CAMK1D: variants seen among roughly 807,000 people sequenced by gnomAD.
CAMK1D encodes calcium/calmodulin-dependent protein kinase type 1D.
A neutral mutation model predicts 47.7 loss-of-function variants in CAMK1D; 9 were observed. The ratio of observed to expected loss-of-function variants is 0.19; its 90% confidence interval spans 0.11 to 0.33. The LOEUF is 0.33. Ranked by LOEUF, CAMK1D falls within the 10% of genes least tolerant of loss-of-function variation. CAMK1D has a pLI of 1.00. For synonymous variants in CAMK1D, 184 were observed against 184.9 expected (o/e 0.99, Z 0.04); for missense variants, 291 against 488.7 (o/e 0.60, Z 3.81).
intron 1 of CAMK1D, among the ~76,000 whole-genome samples, chr10:12,526,866 T>A (rs548974139): frequency 7.1e-6 from 1 of 140,274 alleles, no homozygotes; most frequent in Admixed American, 7.5e-5. Flanking sequence ...TGCAGTGAGC[T>A]GTGATCATAT....
At position 12,413,318 on chromosome 10, in the gene CAMK1D, C is replaced by T. The variant is rs1318459010; in HGVS notation, c.92+63408C>T. Among the ~76,000 whole-genome samples the T allele has an allele frequency of 5.9e-5, 9 of 152,160 alleles. No homozygotes were observed. The South Asian group carries it at 1.9e-3, about 32-fold the overall frequency. ...TCACTGTCAGGAAGACAGCACCAAGCTGTGAGGGATCCGCTCCCATGACCC... is the reference window on the plus strand; with the variant it reads ...TCACTGTCAGGAAGACAGCACCAAGTTGTGAGGGATCCGCTCCCATGACCC... On this transcript the variant is annotated intron_variant, in intron 1 of 10. Coordinates refer to ENST00000619168, the MANE Select transcript of CAMK1D (RefSeq NM_153498.4).
chr10:12,467,164 T>C (rs1833616663), intron 1 of CAMK1D, among the ~76,000 whole-genome samples: 1 of 152,096 alleles, frequency 6.6e-6, no homozygotes, highest in African/African-American at 2.4e-5. Flanking sequence ...ATGTTTTCTT[T>C]TTTATTGACA....
intron 1 of CAMK1D, among the ~76,000 whole-genome samples, chr10:12,403,866 C>G (rs1440346830): frequency 6.6e-6 from 1 of 151,874 alleles, no homozygotes; most frequent in Non-Finnish European, 1.5e-5. Context: ...CCTGATGTTA[C>G]CATTGCAGAC....
intron 1 of CAMK1D, among the ~76,000 whole-genome samples, chr10:12,436,981 G>T (rs1041767107): frequency 6.6e-6 from 1 of 152,146 alleles, no homozygotes; most frequent in Admixed American, 6.5e-5. Context: ...CGCAGATCAG[G>T]TGGGCACAAA....
At chr10:12,611,784 G>T (rs1206424848) in intron 2 of CAMK1D, among the ~76,000 whole-genome samples, 2 of 151,768 alleles carry the variant, frequency 1.3e-5, no homozygotes, top group East Asian at 3.9e-4. Flanking sequence ...GTAGAGATAG[G>T]GTTTCACCGT....
At chr10:12,737,483 G>A (rs1287812498) in intron 3 of CAMK1D, among the ~76,000 whole-genome samples, 1 of 152,074 alleles carries the variant, frequency 6.6e-6, no homozygotes, top group Non-Finnish European at 1.5e-5. Flanking sequence ...GTATTCCCCA[G>A]ACCCCTGCCC....
At chr10:12,817,082 T>C (rs755276331) in intron 8 of CAMK1D, among the ~76,000 whole-genome samples, 1 of 151,994 alleles carries the variant, frequency 6.6e-6, no homozygotes, top group Non-Finnish European at 1.5e-5. Flanking sequence ...AATCATCAGA[T>C]CTCATGAGAG....
intron 1 of CAMK1D, among the ~76,000 whole-genome samples, chr10:12,413,523 T>TGGTGATGATGAC (rs1564324248): frequency 7.9e-5 from 12 of 152,094 alleles, no homozygotes; most frequent in South Asian, 6.3e-4. Flanking sequence ...ATGATGGTGA[T>TGGTGATGATGAC]AATGGTGATG....
intron 1 of CAMK1D, among the ~76,000 whole-genome samples, chr10:12,373,322 G>A (rs2724774): frequency 0.35 from 52,138 of 147,860 alleles, 9,674 homozygotes; most frequent in African/African-American, 0.43. Flanking sequence ...CAATAAAAAA[G>A]AAAAAAGATA....
At chr10:12,583,552 A>G (rs1179243328) in intron 2 of CAMK1D, among the ~76,000 whole-genome samples, 1 of 150,414 alleles carries the variant, frequency 6.6e-6, no homozygotes, top group East Asian at 2.0e-4. Context: ...TTCAGGTAGC[A>G]TTTCCCCTTT....
At chr10:12,755,985 G>T (rs1292228082) in intron 3 of CAMK1D, among the ~76,000 whole-genome samples, 1 of 152,104 alleles carries the variant, frequency 6.6e-6, no homozygotes, top group African/African-American at 2.4e-5. Context: ...TGGCCTTGTC[G>T]TAGGGCAGCC....
chr10:12,406,406 A>G (rs1322326101), intron 1 of CAMK1D, among the ~76,000 whole-genome samples: 1 of 152,080 alleles, frequency 6.6e-6, no homozygotes, highest in African/African-American at 2.4e-5. Context: ...TTTTATTGTT[A>G]TTGTTTTTTT....
intron 6 of CAMK1D, among the ~76,000 whole-genome samples, chr10:12,813,800 A>T (rs1832697556): frequency 6.6e-6 from 1 of 151,762 alleles, no homozygotes; most frequent in South Asian, 2.1e-4. Context: ...TCGCTCTGTC[A>T]CCCAGGCTAG....
intron 1 of CAMK1D, among the ~76,000 whole-genome samples, chr10:12,366,923 A>G (rs1180653140): frequency 6.6e-6 from 1 of 152,150 alleles, no homozygotes; most frequent in African/African-American, 2.4e-5. Flanking sequence ...TGGGTGTCAG[A>G]CTTGAAGTTT....
At chr10:12,816,402 C>A in intron 8 of CAMK1D, 74 bp downstream of exon 8, 1 of 1,191,364 alleles carries the variant, frequency 8.4e-7, no homozygotes, top group Non-Finnish European at 1.2e-6. Context: ...TTCCTGTTGG[C>A]CGTTGTCATT....
chr10:12,549,189 C>T (rs1201853828), intron 1 of CAMK1D, among the ~76,000 whole-genome samples: 1 of 152,204 alleles, frequency 6.6e-6, no homozygotes, highest in Non-Finnish European at 1.5e-5. Flanking sequence ...AATGGAAACT[C>T]CGTCCCCATT....
chr10:12,753,331 G>A (rs1019744636), intron 3 of CAMK1D, among the ~76,000 whole-genome samples: 5 of 152,202 alleles, frequency 3.3e-5, no homozygotes, highest in Non-Finnish European at 7.3e-5. Context: ...ACATCTGTTA[G>A]TGCAAAGCTC....
At chr10:12,619,228 C>T (rs1328362626) in intron 2 of CAMK1D, among the ~76,000 whole-genome samples, 1 of 152,104 alleles carries the variant, frequency 6.6e-6, no homozygotes, top group Non-Finnish European at 1.5e-5. Context: ...TACTGTTATC[C>T]CTGTTTTTCT....
chr10:12,593,935 G>A (rs1285312132), intron 2 of CAMK1D, among the ~76,000 whole-genome samples: 1 of 152,174 alleles, frequency 6.6e-6, no homozygotes, highest in Non-Finnish European at 1.5e-5. Context: ...TCAGCACTTT[G>A]GGAGGCCGAG....
Sources: gnomAD v4.1 joint callset for allele counts (sites outside exome capture counted in the v4.1 genomes callset) on GRCh38, gnomAD v4.1.1 for gene constraint, MANE v1.5 for transcripts, NCBI Gene and HGNC (gene_info 2026-07-23, HGNC 2026-07-21) for gene names.